The following DCAF6 variants were observed in gnomAD, a reference collection of about 807,000 sequenced individuals.
DCAF6 encodes DDB1- and CUL4-associated factor 6.
A neutral mutation model predicts 125.1 loss-of-function variants in DCAF6; 54 were observed. The ratio of observed to expected loss-of-function variants is 0.43; its 90% CI spans 0.35 to 0.54. DCAF6 has a LOEUF of 0.54. DCAF6 is among the 20% of genes least tolerant of loss of function. The pLI, the probability that DCAF6 is intolerant of heterozygous loss-of-function variation, is 0.01. For synonymous variants in DCAF6, 371 were observed against 390.4 expected, an observed-to-expected ratio of 0.95 and a Z score of 0.58; for missense variants, 934 against 1,161.7, an observed-to-expected ratio of 0.80 and a Z score of 2.85.
At chr1:168,009,341 TCCTC>T (rs1190388951) in intron 10 of DCAF6, among the ~76,000 whole-genome samples, 8 of 138,432 alleles carry the variant, frequency 5.8e-5, no homozygotes, top group African/African-American at 1.7e-4. Flanking sequence ...TTTCCTTCCT[TCCTC>T]CCTTCCTTCC....
At position 167,995,450 on chromosome 1, in the gene DCAF6, C is replaced by T. The variant is rs180807902; in HGVS notation, c.903+2010C>T. Among the ~76,000 whole-genome samples, 1,034 of 152,138 alleles carry T rather than the reference C, an allele frequency of 6.8e-3. 11 individuals carry two copies. The highest frequency in any genetic ancestry group is 0.011 in the Non-Finnish European group (727 of 67,986). On this transcript the variant is annotated intron_variant, in intron 7 of 21. Transcript: ENST00000367840. The stretch of plus-strand genomic sequence containing the variant: ...ATCCTAGCACTTTGGGAGGTCGAGG[C>T]GAGTGGATCACCTGAGGTCAGGAGT...
the DCAF6 span, among the ~76,000 whole-genome samples, chr1:167,925,624 G>A: frequency 7.1e-4 from 101 of 142,658 alleles, 1 homozygote; most frequent in Non-Finnish European, 2.5e-4. Flanking sequence ...TCGGCTCACT[G>A]CAACCTCCAC....
chr1:167,867,748 G>A, the DCAF6 span, among the ~76,000 whole-genome samples: 37 of 151,730 alleles, frequency 2.4e-4, no homozygotes, highest in Non-Finnish European at 4.4e-4. Context: ...AATAGCAATC[G>A]GCATAGAATA....
chr1:168,047,875 A>G (rs1285908338), intron 16 of DCAF6, among the ~76,000 whole-genome samples: 1 of 152,126 alleles, frequency 6.6e-6, no homozygotes, highest in Non-Finnish European at 1.5e-5. Flanking sequence ...ATCGGTTATT[A>G]TAATTCTTAA....
chr1:168,056,105 C>T, intron 17 of DCAF6: 2 of 1,594,172 alleles, frequency 1.3e-6, no homozygotes, highest in Admixed American at 1.7e-5. Flanking sequence ...TAGCAGCTTT[C>T]ACACTTTCCA....
At chr1:167,901,236 T>C in the DCAF6 span, among the ~76,000 whole-genome samples, 2 of 152,206 alleles carry the variant, frequency 1.3e-5, no homozygotes, top group Admixed American at 6.5e-5. Flanking sequence ...AAGCTTTTCC[T>C]ACACCTCATT....
intron 17 of DCAF6, among the ~76,000 whole-genome samples, chr1:168,062,913 CTTT>C (rs372896984): frequency 6.6e-5 from 9 of 136,972 alleles, no homozygotes; most frequent in African/African-American, 5.4e-5. Context: ...TATTAATATT[CTTT>C]TTTTTTTTTT....
At chr1:168,059,691 G>A (rs191449061) in intron 17 of DCAF6, among the ~76,000 whole-genome samples, 1 of 152,158 alleles carries the variant, frequency 6.6e-6, no homozygotes, top group East Asian at 1.9e-4. Flanking sequence ...TGTCGCCTAG[G>A]CTGGATTGCA....
At chr1:167,953,173 T>C (rs144786329) in intron 2 of DCAF6, among the ~76,000 whole-genome samples, 1,577 of 152,332 alleles carry the variant, frequency 0.01, 34 homozygotes, top group African/African-American at 0.034. Context: ...TTTATTGTTA[T>C]TTGTTCAAAA....
intron 12 of DCAF6, among the ~76,000 whole-genome samples, chr1:168,037,104 CT>C (rs60135464): frequency 0.08 from 10,399 of 129,816 alleles, 256 homozygotes; most frequent in Non-Finnish European, 0.089. Context: ...TCTCCCCCCC[CT>C]TTTTTTTTTT....
chr1:167,887,655 C>T, the DCAF6 span, among the ~76,000 whole-genome samples: 24,785 of 151,690 alleles, frequency 0.16, 2,346 homozygotes, highest in Middle Eastern at 0.23. Context: ...CGTAACAAAC[C>T]TGCACATTGT....
intron 13 of DCAF6, among the ~76,000 whole-genome samples, chr1:168,039,149 TGA>T (rs935494360): frequency 3.5e-4 from 54 of 152,164 alleles, no homozygotes; most frequent in African/African-American, 1.3e-3. Flanking sequence ...CAAGATTATT[TGA>T]GAGATATTTC....
the DCAF6 span, among the ~76,000 whole-genome samples, chr1:167,869,870 C>T: frequency 1.3e-5 from 2 of 152,136 alleles, no homozygotes; most frequent in Non-Finnish European, 2.9e-5. Flanking sequence ...ATCTCGGTGT[C>T]TGAGGGGTTT....
At chr1:168,065,070 A>G (rs1323459240) in intron 18 of DCAF6, among the ~76,000 whole-genome samples, 1 of 152,210 alleles carries the variant, frequency 6.6e-6, no homozygotes, top group East Asian at 1.9e-4. Flanking sequence ...AATTTTTGGA[A>G]AGTTCAGCAA....
At chr1:168,001,700 A>G (rs1234049257) in intron 7 of DCAF6, among the ~76,000 whole-genome samples, 1 of 152,142 alleles carries the variant, frequency 6.6e-6, no homozygotes, top group Non-Finnish European at 1.5e-5. Context: ...GCCAAGAGAG[A>G]GAAAATGGAT....
At chr1:167,907,435 G>C in the DCAF6 span, among the ~76,000 whole-genome samples, 1 of 152,116 alleles carries the variant, frequency 6.6e-6, no homozygotes, top group African/African-American at 2.4e-5. Flanking sequence ...CTTCACTTTG[G>C]GACCCAAACT....
At chr1:168,072,170 G>GC (rs1693128048) in intron 21 of DCAF6, among the ~76,000 whole-genome samples, 1 of 151,262 alleles carries the variant, frequency 6.6e-6, no homozygotes, top group Admixed American at 6.6e-5. Context: ...GGTGGCGCGT[G>GC]CCTGTAGTCC....
At chr1:168,031,953 A>G (rs945059335) in intron 12 of DCAF6, among the ~76,000 whole-genome samples, 1 of 152,244 alleles carries the variant, frequency 6.6e-6, no homozygotes, top group Admixed American at 6.5e-5. Flanking sequence ...ATTTCAACCC[A>G]TAAATTCTAA....
chr1:167,947,067 A>G (rs901721472), intron 1 of DCAF6, among the ~76,000 whole-genome samples: 3 of 152,094 alleles, frequency 2.0e-5, no homozygotes, highest in Non-Finnish European at 4.4e-5. Flanking sequence ...TTATTGGTCT[A>G]TTCAGATTTT....
Sources: gnomAD v4.1 joint callset for allele counts (sites outside exome capture counted in the v4.1 genomes callset) on GRCh38, gnomAD v4.1.1 for gene constraint, MANE v1.5 for transcripts, NCBI Gene and HGNC (gene_info 2026-07-23, HGNC 2026-07-21) for gene names.